Variants in COPG1 observed in about 807,000 individuals in gnomAD.
COPG1 encodes coatomer subunit gamma-1.
COPG1 carries 29 observed loss-of-function variants against 102.8 expected under a neutral mutation model. The observed-to-expected ratio is 0.28, with a 90% CI of 0.21 to 0.38. The LOEUF (loss-of-function observed/expected upper bound fraction) is 0.38. Ranked by LOEUF, COPG1 falls within the 10% of genes least tolerant of loss-of-function variation. The pLI is 1.00. For missense variants in COPG1, 875 were observed against 1,132.7 expected, an observed-to-expected ratio of 0.77 and a Z score of 3.27; for synonymous variants, 406 against 421.6, an observed-to-expected ratio of 0.96 and a Z score of 0.45.
Position 129,260,637 on chromosome 3 carries a change from T to A in COPG1, c.958T>A (p.Ser320Thr). Residue 320 changes from serine to threonine, a missense_variant, in exon 12 of 24, where the codon TCA becomes ACA. Ser to Thr is a moderately conservative substitution (Grantham distance 58, BLOSUM62 1). Coordinates refer to ENST00000314797, the MANE Select transcript of COPG1 (RefSeq NM_016128.4). ...TLNKVAMKHPSAVTACNLDLE... is the reference protein window; with the variant it reads ...TLNKVAMKHPTAVTACNLDLE... The stretch of plus-strand genomic sequence containing the variant: ...AAAACAGGTTGCCATGAAGCATCCG[T>A]CAGCTGTGACAGCTTGTAATCTGGA... 1 of 1,614,164 alleles carries A rather than the reference T, an allele frequency of 6.2e-7. No homozygotes were observed. The highest frequency in any genetic ancestry group is 8.5e-7 in the Non-Finnish European group (1 of 1,180,024).
chr3:129,257,481 A>T lies in COPG1; in HGVS notation c.591A>T (p.Leu197=). ...SDNIMVQYHA[L]GLLYHVRKND... is the part of the protein sequence containing the mutation. Reference sequence around the variant, plus strand: ...CTCCTGTCCTATAGTACCACGCACTAGGGCTCCTGTACCATGTGCGTAAGA... The same window carrying T: ...CTCCTGTCCTATAGTACCACGCACTTGGGCTCCTGTACCATGTGCGTAAGA... Residue 197 remains leucine, a synonymous_variant, in exon 9 of 24, where the codon CTA becomes CTT. Transcript: ENST00000314797. The T allele has an allele frequency of 6.2e-7, 1 of 1,614,192 alleles. No homozygotes were observed. The highest frequency in any genetic ancestry group is 1.7e-5 in the Admixed American group (1 of 60,032).
At chr3:129,270,042 C>G (rs1009668436) in intron 18 of COPG1, among the ~76,000 whole-genome samples, 1 of 143,336 alleles carries the variant, frequency 7.0e-6, no homozygotes, top group African/African-American at 2.6e-5. Flanking sequence ...AGAGGCCACA[C>G]TCCTGGCCTT....
At position 129,276,000 on chromosome 3, in the gene COPG1, T is replaced by C. The variant is rs1418413975; in HGVS notation, c.2494+708T>C. Among the ~76,000 whole-genome samples, 1 of 151,794 alleles carries C rather than the reference T, an allele frequency of 6.6e-6. No individual in the cohort carries two copies. The highest frequency in any genetic ancestry group is 1.5e-5 in the Non-Finnish European group (1 of 67,928). On this transcript the variant is annotated intron_variant, in intron 23 of 23. Transcript: ENST00000314797. The surrounding 1 kb of genome is among the most constrained non-coding windows in gnomAD (Gnocchi z 5.0). Reference sequence around the variant, plus strand: ...CACACACACACACACACACACACAGTTTACTTTGCATGTGTACACTGAGAA... The same window carrying C: ...CACACACACACACACACACACACAGCTTACTTTGCATGTGTACACTGAGAA...
At chr3:129,254,892 C>T in intron 6 of COPG1, 93 bp from the exon 7 acceptor site, 1 of 1,208,662 alleles carries the variant, frequency 8.3e-7, no homozygotes, top group Non-Finnish European at 1.2e-6. Context: ...CGCTTACTTC[C>T]TCCTCATACT....
In COPG1 at chr3:129,252,971, G is replaced by A. The variant is rs1439181709; in HGVS notation, c.323+16G>A. Reference sequence around the variant, plus strand: ...TCACCAGCAGGCAAGTCATGGGGTTGTGGGTGGCTCTTCTGATGGGTTCCA... The same window carrying A: ...TCACCAGCAGGCAAGTCATGGGGTTATGGGTGGCTCTTCTGATGGGTTCCA... On this transcript the variant is annotated intron_variant, in intron 5 of 23. Coordinates refer to ENST00000314797, the MANE Select transcript of COPG1 (RefSeq NM_016128.4). 1 of 1,611,390 alleles carries A rather than the reference G, an allele frequency of 6.2e-7. No homozygotes were observed.
In COPG1 at chr3:129,275,995, C is replaced by CACAG. The variant is rs1442445554; in HGVS notation, c.2494+704_2494+707dup. ...GTACACACACACACACACACACACA[C>CACAG]ACAGTTTACTTTGCATGTGTACACT... On this transcript the variant is annotated intron_variant, in intron 23 of 23. Transcript: ENST00000314797. This position sits in a 1 kb window ranked among gnomAD's most constrained non-coding sequence, Gnocchi z 5.0. 6.7e-6 allele frequency among the ~76,000 whole-genome samples: 1 copy of CACAG among 148,160 alleles called. No individual in the cohort carries two copies. Among genetic ancestry groups the CACAG allele is most frequent in the East Asian group, 2.0e-4 (1 of 5,120 alleles).
chr3:129,267,194 A>G (rs1010041766), intron 15 of COPG1, 95 bp downstream of exon 15: 22 of 905,936 alleles, frequency 2.4e-5, no homozygotes, highest in Admixed American at 7.1e-5. Context: ...GAAAAGGGAG[A>G]GAAAAGTTAT....
chr3:129,264,418 G>A (rs1364487065), intron 13 of COPG1, among the ~76,000 whole-genome samples: 1 of 152,144 alleles, frequency 6.6e-6, no homozygotes. Flanking sequence ...CACCTTTCTT[G>A]GACGTCTCAA....
intron 10 of COPG1, 34 bp downstream of exon 10, chr3:129,257,894 T>G (rs1220223838): frequency 6.2e-7 from 1 of 1,605,606 alleles, no homozygotes; most frequent in African/African-American, 1.3e-5. Flanking sequence ...GCCTCACATG[T>G]TTATGCTTGC....
At chr3:129,260,151 T>G in intron 10 of COPG1, 182 bp from the exon 11 acceptor site, 2 of 626,104 alleles carry the variant, frequency 3.2e-6, no homozygotes, top group Non-Finnish European at 5.7e-6. Context: ...CTCACAGACA[T>G]TATGGCCTCT....
intron 2 of COPG1, 81 bp downstream of exon 2, chr3:129,250,815 G>A (rs984842211): frequency 4.8e-6 from 6 of 1,250,428 alleles, no homozygotes; most frequent in Non-Finnish European, 6.9e-6. Flanking sequence ...CATTCAAAGT[G>A]TTGTTTTAAA....
intron 18 of COPG1, 100 bp downstream of exon 18, chr3:129,269,100 G>A: frequency 9.5e-7 from 1 of 1,054,920 alleles, no homozygotes; most frequent in Non-Finnish European, 1.5e-6. Flanking sequence ...CTGAGTGCTA[G>A]GCCCTTGAGA....
intron 15 of COPG1, 32 bp downstream of exon 15, chr3:129,267,131 C>CA: frequency 6.4e-7 from 1 of 1,560,578 alleles, no homozygotes; most frequent in Non-Finnish European, 8.8e-7. Flanking sequence ...CTAATGGGGA[C>CA]AGTGTTCCCT....
At position 129,268,594 on chromosome 3, in the gene COPG1, C is replaced by T. The variant is rs531561876; in HGVS notation, c.1748C>T (p.Thr583Met). The change falls in exon 17 of 24, where the codon ACG (threonine) becomes ATG (methionine). Residue 583 changes from threonine to methionine, a missense_variant. Coordinates refer to ENST00000314797, the MANE Select transcript of COPG1 (RefSeq NM_016128.4). ...PFDLKSVPLA[T>M]APMAEQRTES... ...GACCTCAAGTCTGTGCCCCTGGCCACGGCGCCCATGGCAGAGCAGAGAACA... is the reference window on the plus strand; with the variant it reads ...GACCTCAAGTCTGTGCCCCTGGCCATGGCGCCCATGGCAGAGCAGAGAACA... 3.0e-5 allele frequency: 49 copies of T among 1,614,174 alleles called. No individual in the cohort carries two copies. Among genetic ancestry groups the T allele is most frequent in the South Asian group, 2.7e-4 (25 of 91,092 alleles).
At position 129,268,826 on chromosome 3, in the gene COPG1, C is replaced by T. The variant is rs73862856; in HGVS notation, c.1775-106C>T. ...TCACATGTCTTCTGCTTCCCACTCT[C>T]AGGAGGGTTAGTATTTATAATCCCT... On this transcript the variant is annotated intron_variant, in intron 17 of 23. Transcript: ENST00000314797. The T allele has an allele frequency of 0.015, 18,408 of 1,195,582 alleles. 1,754 individuals are homozygous for T. The African/African-American group carries it at 0.23, about 15-fold the overall frequency. 74.1% of individuals were successfully genotyped at this position (1,195,582 alleles called of 1,614,324 possible).
chr3:129,267,946 G>A lies in COPG1; in HGVS notation c.1554G>A (p.Met518Ile), dbSNP rs1319108743. The change falls in exon 16 of 24, where the codon ATG (methionine) becomes ATA (isoleucine). Residue 518 changes from methionine (M) to isoleucine (I), a missense_variant. Met to Ile is a conservative substitution (Grantham distance 10, BLOSUM62 1). Transcript: ENST00000314797. Reference protein sequence around the residue: ...SILVLLKRCVMDDDNEVRDRA... With the variant: ...SILVLLKRCVIDDDNEVRDRA... ...TGTGTCCTGGCTGCAGGTGTGTGAT[G>A]GATGATGACAATGAAGTAAGGGACC... 3.1e-6 allele frequency: 5 copies of A among 1,613,950 alleles called. No homozygotes were observed. The highest frequency in any genetic ancestry group is 1.1e-5 in the South Asian group (1 of 91,056).
intron 16 of COPG1, among the ~76,000 whole-genome samples, chr3:129,268,272 AG>A (rs1471489973): frequency 6.6e-6 from 1 of 152,230 alleles, no homozygotes; most frequent in Non-Finnish European, 1.5e-5. Flanking sequence ...TTATTTTTAC[AG>A]TACTTTACCC....
intron 12 of COPG1, among the ~76,000 whole-genome samples, chr3:129,261,380 G>A (rs367879717): frequency 8.5e-5 from 13 of 152,198 alleles, no homozygotes; most frequent in African/African-American, 2.9e-4. Context: ...GTCAAGGAGA[G>A]AGAAGGCCAG....
At position 129,256,027 on chromosome 3, in the gene COPG1, A is replaced by G. The variant is rs1048974251; in HGVS notation, c.493-41A>G. ...ACTGGGCCCAGAATGTGTGATGGGGACACTTCCTACCTGCCCCTTAATGTG... is the reference window on the plus strand; with the variant it reads ...ACTGGGCCCAGAATGTGTGATGGGGGCACTTCCTACCTGCCCCTTAATGTG... On this transcript the variant is annotated intron_variant, in intron 7 of 23. Transcript: ENST00000314797. 6 of 1,568,382 alleles carry G rather than the reference A, an allele frequency of 3.8e-6. 1 individual carries two copies. In the South Asian group the frequency reaches 5.6e-5, roughly 15 times the overall value.
Sources: allele counts gnomAD v4.1 joint callset (sites outside exome capture counted in the v4.1 genomes callset), GRCh38; gene constraint gnomAD v4.1.1; non-coding constraint Gnocchi (gnomAD v3.1); transcripts MANE v1.5; gene names NCBI Gene and HGNC (gene_info 2026-07-23, HGNC 2026-07-21).